MYRIP: variants seen among roughly 807,000 people sequenced by gnomAD.
MYRIP encodes the protein rab effector MyRIP.
Under a neutral mutation model 98.0 loss-of-function variants are expected in MYRIP, and 49 were observed. The ratio of observed to expected loss-of-function variants is 0.50; its 90% confidence interval spans 0.40 to 0.63. MYRIP has a LOEUF of 0.63. Ranked by LOEUF, MYRIP falls within the 30% of genes least tolerant of loss-of-function variation. The pLI is 0.00. For synonymous variants in MYRIP, 404 were observed against 409.5 expected (o/e 0.99, Z 0.16); for missense variants, 1,004 against 1,058.2 (o/e 0.95, Z 0.71).
At chr3:40,195,695 TG>T (rs544335125) in intron 10 of MYRIP, among the ~76,000 whole-genome samples, 2,286 of 48,600 alleles carry the variant, frequency 0.047, 57 homozygotes, top group Middle Eastern at 0.083. Flanking sequence ...TACTTGATTA[TG>T]GTTTTTTTTT....
chr3:39,860,470 G>T (rs923387918), intron 1 of MYRIP, among the ~76,000 whole-genome samples: 2 of 152,178 alleles, frequency 1.3e-5, no homozygotes, highest in Admixed American at 6.5e-5. Flanking sequence ...TGTCAGACCT[G>T]AACAGATCAG....
chr3:40,179,472 C>T (rs1950839024), intron 8 of MYRIP, among the ~76,000 whole-genome samples: 1 of 152,260 alleles, frequency 6.6e-6, no homozygotes, highest in South Asian at 2.1e-4. Flanking sequence ...ACCCCAGCCA[C>T]CACATATACA....
At chr3:39,848,028 G>A (rs1012208065) in intron 1 of MYRIP, among the ~76,000 whole-genome samples, 7 of 152,184 alleles carry the variant, frequency 4.6e-5, no homozygotes, top group African/African-American at 1.7e-4. Context: ...GAAGGCTAGA[G>A]GGTACTGCAA....
intron 4 of MYRIP, among the ~76,000 whole-genome samples, chr3:40,160,220 C>T (rs1453428911): frequency 1.3e-5 from 2 of 152,206 alleles, no homozygotes; most frequent in African/African-American, 2.4e-5. Context: ...ACAGACAGGA[C>T]CCTCAGCTGC....
At chr3:40,138,493 G>T (rs1162381031) in intron 3 of MYRIP, among the ~76,000 whole-genome samples, 4 of 152,068 alleles carry the variant, frequency 2.6e-5, no homozygotes, top group Non-Finnish European at 5.9e-5. Flanking sequence ...GTGTTTAGAG[G>T]AATTATACCA....
intron 2 of MYRIP, among the ~76,000 whole-genome samples, chr3:39,932,343 T>G (rs1944559270): frequency 6.6e-6 from 1 of 151,678 alleles, no homozygotes. Flanking sequence ...ACTCTATCAG[T>G]CAGTCCTGCA....
chr3:40,066,153 G>A (rs975350866), intron 3 of MYRIP, among the ~76,000 whole-genome samples: 1 of 152,110 alleles, frequency 6.6e-6, no homozygotes, highest in Non-Finnish European at 1.5e-5. Flanking sequence ...GAGGTGGGAG[G>A]AGGAGAAGGA....
chr3:40,165,474 A>G (rs1950481272), intron 5 of MYRIP, among the ~76,000 whole-genome samples: 1 of 152,194 alleles, frequency 6.6e-6, no homozygotes. Flanking sequence ...GGAGATTTGC[A>G]TGTGTTAAAT....
At position 39,873,288 on chromosome 3, in the gene MYRIP, T is replaced by G. The variant is rs898408734; in HGVS notation, c.-30-27499T>G. ...GAAAATTTTCTCCCATTTTGTAGGT[T>G]GCCTGTTCACTCTGATGGTAGTTTC... On this transcript the variant is annotated intron_variant, in intron 1 of 16. Coordinates refer to ENST00000302541, the MANE Select transcript of MYRIP (RefSeq NM_015460.4). Among the ~76,000 whole-genome samples, 7 of 152,312 alleles carry G rather than the reference T, an allele frequency of 4.6e-5. No homozygotes were observed. In the East Asian group the frequency reaches 1.2e-3, roughly 25 times the overall value.
chr3:40,067,828 C>T (rs1417594260), intron 3 of MYRIP, among the ~76,000 whole-genome samples: 1 of 152,096 alleles, frequency 6.6e-6, no homozygotes, highest in African/African-American at 2.4e-5. Flanking sequence ...GAATAATCAC[C>T]CATGATCCTA....
intron 1 of MYRIP, among the ~76,000 whole-genome samples, chr3:39,855,439 G>A (rs748813237): frequency 2.0e-5 from 3 of 152,130 alleles, no homozygotes; most frequent in Non-Finnish European, 2.9e-5. Context: ...AGCAGGTAGG[G>A]AAATACATCA....
chr3:40,188,792 G>A (rs1339202721), intron 9 of MYRIP, among the ~76,000 whole-genome samples: 1 of 149,722 alleles, frequency 6.7e-6, no homozygotes, highest in African/African-American at 2.4e-5. Context: ...AAAAAAGACA[G>A]CTCCTGTTGG....
At chr3:40,152,101 C>T (rs144027037) in intron 4 of MYRIP, among the ~76,000 whole-genome samples, 41 of 152,298 alleles carry the variant, frequency 2.7e-4, no homozygotes, top group Admixed American at 4.6e-4. Context: ...TTTCAAACTG[C>T]TCAGGAAAGC....
chr3:40,082,544 G>T (rs555024195), intron 3 of MYRIP, among the ~76,000 whole-genome samples: 55 of 152,292 alleles, frequency 3.6e-4, no homozygotes, highest in Non-Finnish European at 6.5e-4. Flanking sequence ...TTCTGGGCCA[G>T]AAATCAACAA....
chr3:39,848,634 T>C (rs1321933040), intron 1 of MYRIP, among the ~76,000 whole-genome samples: 1 of 152,250 alleles, frequency 6.6e-6, no homozygotes. Flanking sequence ...CATGAGCATG[T>C]ACTTTCAGAT....
intron 10 of MYRIP, among the ~76,000 whole-genome samples, chr3:40,205,946 C>G (rs1951780996): frequency 6.6e-6 from 1 of 152,124 alleles, no homozygotes; most frequent in African/African-American, 2.4e-5. Flanking sequence ...TCAACACGTA[C>G]CCCTCTATTG....
At chr3:39,919,584 G>T (rs1944252768) in intron 2 of MYRIP, among the ~76,000 whole-genome samples, 1 of 152,098 alleles carries the variant, frequency 6.6e-6, no homozygotes, top group Non-Finnish European at 1.5e-5. Context: ...GTGTGGGTCT[G>T]GAATCACATC....
chr3:40,126,911 G>C (rs1949536580), intron 3 of MYRIP, among the ~76,000 whole-genome samples: 1 of 152,204 alleles, frequency 6.6e-6, no homozygotes, highest in South Asian at 2.1e-4. Flanking sequence ...GACAGACCCA[G>C]TTGGAAAGTT....
chr3:40,124,895 CTTTCTTT>C (rs1347634061), intron 3 of MYRIP, among the ~76,000 whole-genome samples: 1 of 152,178 alleles, frequency 6.6e-6, no homozygotes, highest in Non-Finnish European at 1.5e-5. Flanking sequence ...GGCTCAGTTC[CTTTCTTT>C]TTTCAATTGC....
Sources: allele counts gnomAD v4.1 joint callset (sites outside exome capture counted in the v4.1 genomes callset), GRCh38; gene constraint gnomAD v4.1.1; transcripts MANE v1.5; gene names NCBI Gene and HGNC (gene_info 2026-07-23, HGNC 2026-07-21).